Variants in MAGI2 observed in about 807,000 individuals in gnomAD.
MAGI2 encodes membrane-associated guanylate kinase, WW and PDZ domain-containing protein 2.
MAGI2 carries 35 observed loss-of-function variants against 133.3 expected under a neutral mutation model. That is an observed-to-expected ratio of 0.26 (90% CI 0.20 to 0.35). MAGI2 has a LOEUF of 0.35. Ranked by LOEUF, MAGI2 falls within the 10% of genes least tolerant of loss-of-function variation. MAGI2 has a pLI of 1.00. For missense variants in MAGI2, 1,636 were observed against 1,863.4 expected (o/e 0.88, Z 2.25); for synonymous variants, 729 against 710.6 (o/e 1.03, Z -0.41).
At chr7:79,115,854 GTTTT>G (rs59398227) in intron 1 of MAGI2, among the ~76,000 whole-genome samples, 2,459 of 93,904 alleles carry the variant, frequency 0.026, 65 homozygotes, top group African/African-American at 0.068. Context: ...ATGTTTTAAA[GTTTT>G]TTTTTTTTTT....
intron 20 of MAGI2, among the ~76,000 whole-genome samples, chr7:78,093,453 CAA>C (rs936510612): frequency 7.1e-6 from 1 of 141,794 alleles, no homozygotes. Context: ...GACTCCTTCT[CAA>C]AAAAAAAAAA....
chr7:78,594,908 A>G (rs1024306986), intron 3 of MAGI2, among the ~76,000 whole-genome samples: 1 of 152,172 alleles, frequency 6.6e-6, no homozygotes, highest in Non-Finnish European at 1.5e-5. Context: ...CTACAGAGAA[A>G]GGTCTTCAGG....
intron 1 of MAGI2, among the ~76,000 whole-genome samples, chr7:79,132,720 A>G (rs57205028): frequency 0.08 from 12,128 of 152,030 alleles, 1,041 homozygotes; most frequent in African/African-American, 0.21. Context: ...AAAAGTTTAA[A>G]CTGTATTGTT....
intron 1 of MAGI2, among the ~76,000 whole-genome samples, chr7:79,332,574 T>C (rs892550338): frequency 6.6e-6 from 1 of 152,178 alleles, no homozygotes; most frequent in Non-Finnish European, 1.5e-5. Context: ...CTGGGTAGGA[T>C]TTAATAGGTA....
At chr7:78,708,848 G>A (rs186275148) in intron 2 of MAGI2, among the ~76,000 whole-genome samples, 95 of 115,312 alleles carry the variant, frequency 8.2e-4, no homozygotes, top group African/African-American at 2.9e-3. Context: ...CAAACACTTT[G>A]ACTCTAATAC....
intron 2 of MAGI2, among the ~76,000 whole-genome samples, chr7:78,751,186 G>C (rs1999236): frequency 6.6e-6 from 1 of 152,092 alleles, no homozygotes; most frequent in Non-Finnish European, 1.5e-5. Flanking sequence ...TAATGATTAC[G>C]TCAACTTTAA....
chr7:78,205,790 A>AG (rs1451650065), intron 10 of MAGI2, among the ~76,000 whole-genome samples: 1 of 152,226 alleles, frequency 6.6e-6, no homozygotes, highest in Non-Finnish European at 1.5e-5. Context: ...TATTTCATTC[A>AG]GAAAAAAAAG....
At position 78,495,078 on chromosome 7, in the gene MAGI2, A is replaced by C. The variant is rs142083070; in HGVS notation, c.966-5238T>G. Among the ~76,000 whole-genome samples, 200 of 152,342 alleles carry C rather than the reference A, an allele frequency of 1.3e-3. 1 individual carries two copies. Among genetic ancestry groups the C allele is most frequent in the Non-Finnish European group, 2.3e-3 (159 of 68,032 alleles). ...GTAGTAGTGATATAAGTTCAGAGAC[A>C]GTAGTAACAGATTGATGAATTGACT... On this transcript the variant is annotated intron_variant, in intron 5 of 21. Transcript: ENST00000354212.
At chr7:79,389,155 A>G (rs766346072) in intron 1 of MAGI2, among the ~76,000 whole-genome samples, 4 of 152,046 alleles carry the variant, frequency 2.6e-5, no homozygotes, top group Non-Finnish European at 4.4e-5. Context: ...AATAAAATGC[A>G]TATCTTCTAT....
intron 6 of MAGI2, among the ~76,000 whole-genome samples, chr7:78,381,650 A>G (rs529230031): frequency 6.6e-6 from 1 of 152,300 alleles, no homozygotes; most frequent in African/African-American, 2.4e-5. Flanking sequence ...AAAAGCCAGG[A>G]ATAGAGAGTT....
At chr7:79,017,132 G>A (rs1362250833) in intron 1 of MAGI2, among the ~76,000 whole-genome samples, 1 of 152,144 alleles carries the variant, frequency 6.6e-6, no homozygotes, top group Non-Finnish European at 1.5e-5. Flanking sequence ...AACAAATAAG[G>A]ACCAATCCTG....
At chr7:78,524,727 G>T (rs948040909) in intron 3 of MAGI2, among the ~76,000 whole-genome samples, 1 of 151,848 alleles carries the variant, frequency 6.6e-6, no homozygotes, top group African/African-American at 2.4e-5. Context: ...TGGTATCAAT[G>T]AACTTTTATA....
At chr7:79,337,688 G>A (rs1268930707) in intron 1 of MAGI2, among the ~76,000 whole-genome samples, 1 of 151,840 alleles carries the variant, frequency 6.6e-6, no homozygotes, top group Admixed American at 6.6e-5. Flanking sequence ...AGAATCTGCT[G>A]GAAAAAAAAG....
intron 2 of MAGI2, among the ~76,000 whole-genome samples, chr7:78,945,332 A>G (rs1360477090): frequency 6.6e-6 from 1 of 152,168 alleles, no homozygotes; most frequent in Non-Finnish European, 1.5e-5. Context: ...AAAGTGCTGG[A>G]TTACAGGTGT....
chr7:79,437,142 A>T (rs1848198520), intron 1 of MAGI2, among the ~76,000 whole-genome samples: 1 of 152,088 alleles, frequency 6.6e-6, no homozygotes, highest in Non-Finnish European at 1.5e-5. Flanking sequence ...GAAGCTAAAC[A>T]TTGGTACACA....
chr7:78,819,926 T>G (rs976326817), intron 2 of MAGI2, among the ~76,000 whole-genome samples: 1 of 152,020 alleles, frequency 6.6e-6, no homozygotes, highest in African/African-American at 2.4e-5. Flanking sequence ...GTCTACAATC[T>G]AATAAAGAAG....
rs1488300537 is a variant in MAGI2 at position 78,869,312 on chromosome 7, G to A, written c.418+137778C>T. 2.6e-5 allele frequency among the ~76,000 whole-genome samples: 4 copies of A among 152,176 alleles called. No homozygotes were observed. In the East Asian group the frequency reaches 7.7e-4, roughly 29 times the overall value. Reference sequence around the variant, plus strand: ...GACTCTTTGCCTATGCCAACATCTAGAAGAGTTTTATTAATGTTATCTTCT... The same window carrying A: ...GACTCTTTGCCTATGCCAACATCTAAAAGAGTTTTATTAATGTTATCTTCT... On this transcript the variant is annotated intron_variant, in intron 2 of 21. Transcript: ENST00000354212.
intron 2 of MAGI2, among the ~76,000 whole-genome samples, chr7:78,674,215 C>G (rs953266996): frequency 2.0e-5 from 3 of 146,864 alleles, no homozygotes; most frequent in African/African-American, 7.5e-5. Context: ...CATGAAAAAT[C>G]CATCCAAATA....
At chr7:78,466,099 A>G (rs1370302385) in intron 6 of MAGI2, among the ~76,000 whole-genome samples, 1 of 152,180 alleles carries the variant, frequency 6.6e-6, no homozygotes, top group Non-Finnish European at 1.5e-5. Context: ...TCACAGTGAA[A>G]TGGAATTTGT....
Sources: gnomAD v4.1 joint callset for allele counts (sites outside exome capture counted in the v4.1 genomes callset) on GRCh38, gnomAD v4.1.1 for gene constraint, MANE v1.5 for transcripts, NCBI Gene and HGNC (gene_info 2026-07-23, HGNC 2026-07-21) for gene names.